Variants in CDC37L1 observed in about 807,000 individuals in gnomAD.
CDC37L1 encodes the protein cell division cycle 37 like 1, HSP90 cochaperone.
In CDC37L1, 32 loss-of-function variants were observed where a neutral mutation model predicts 45.9. The observed-to-expected ratio is 0.70, with a 90% CI of 0.53 to 0.94. CDC37L1 has a LOEUF of 0.94. Ranked by LOEUF, CDC37L1 falls within the 40% of genes least tolerant of loss-of-function variation. The probability of loss-of-function intolerance (pLI) is 0.00; values close to 1 mark genes in which losing one functional copy is unlikely to be tolerated. For missense variants in CDC37L1, 434 were observed against 405.7 expected, an observed-to-expected ratio of 1.07 and a Z score of -0.60; for synonymous variants, 150 against 133.0, an observed-to-expected ratio of 1.13 and a Z score of -0.88.
rs778406400 is a variant in CDC37L1, at chr9:4,679,850, T to A, written c.83T>A (p.Val28Glu). 1.2e-6 allele frequency: 2 copies of A among 1,613,958 alleles called. No homozygotes were observed. Among genetic ancestry groups the A allele is most frequent in the Non-Finnish European group, 1.7e-6 (2 of 1,179,970 alleles). ...GEAEEESDFD[V>E]FPSSPRCPQL... is the part of the protein sequence containing the mutation. ...GCTGAGGAAGAGAGTGACTTCGACGTGTTCCCCAGTTCTCCCCGCTGCCCG... is the reference window on the plus strand; with the variant it reads ...GCTGAGGAAGAGAGTGACTTCGACGAGTTCCCCAGTTCTCCCCGCTGCCCG... The change falls in exon 1 of 7, where the codon GTG becomes GAG. Residue 28 changes from valine to glutamate, a missense_variant. Val to Glu is a moderately radical substitution (Grantham distance 121, BLOSUM62 -2). Coordinates refer to ENST00000381854, the MANE Select transcript of CDC37L1 (RefSeq NM_017913.4).
Position 4,679,737 on chromosome 9 carries a change from A to C in CDC37L1, c.-31A>C. On this transcript the variant is annotated 5_prime_UTR_variant, in exon 1 of 7. Transcript: ENST00000381854. ...GTTGGCAGTGGCAGTTGTAGGGCCA[A>C]GGGCGGTTGTAGGACCCGGAGCAGC... 1 of 1,598,588 alleles carries C rather than the reference A, an allele frequency of 6.3e-7. No homozygotes were observed. Among genetic ancestry groups the C allele is most frequent in the Non-Finnish European group, 8.5e-7 (1 of 1,170,974 alleles).
intron 2 of CDC37L1, among the ~76,000 whole-genome samples, chr9:4,686,008 C>G (rs191675069): frequency 3.3e-5 from 5 of 152,116 alleles, no homozygotes; most frequent in African/African-American, 7.2e-5. Flanking sequence ...ATAAAAAATA[C>G]GAAAATTAGC....
At chr9:4,682,180 T>G (rs1841200937) in intron 1 of CDC37L1, among the ~76,000 whole-genome samples, 1 of 140,640 alleles carries the variant, frequency 7.1e-6, no homozygotes, top group South Asian at 2.2e-4. Context: ...TTTTTTTTTT[T>G]GAGGCAGTGT....
At chr9:4,702,063 C>G (rs1390783209) in intron 6 of CDC37L1, 35 bp downstream of exon 6, 33 of 1,133,974 alleles carry the variant, frequency 2.9e-5, no homozygotes, top group African/African-American at 3.2e-5. Context: ...TTTTATAAGC[C>G]TATTAATTCA....
chr9:4,702,888 CAAAAAAAAAAAAAA>C (rs397829063), intron 6 of CDC37L1, among the ~76,000 whole-genome samples: 1 of 42,962 alleles, frequency 2.3e-5, no homozygotes, highest in African/African-American at 7.7e-5. Flanking sequence ...GACTCCGTCT[CAAAAAAAAAAAAAA>C]AAAAAAAAAA....
Position 4,682,329 on chromosome 9 carries a change from A to ATTTTTTTTTTTTTTTTTT in CDC37L1, c.132+2445_132+2446insTTTTTTTTTTTTTTTTTT, listed in dbSNP as rs1313029477. 9.7e-5 allele frequency among the ~76,000 whole-genome samples: 9 copies of ATTTTTTTTTTTTTTTTTT among 92,834 alleles called. 1 individual carries two copies. Among genetic ancestry groups the ATTTTTTTTTTTTTTTTTT allele is most frequent in the African/African-American group, 3.6e-4 (6 of 16,552 alleles). 60.9% of individuals were successfully genotyped at this position (92,834 alleles called of 152,430 possible). The stretch of plus-strand genomic sequence containing the variant: ...AGGTGCCCACCACTGTGCCCAGCTA[A>ATTTTTTTTTTTTTTTTTT]TTTTTTTTTTTTTTTGAGATGGAGT... On this transcript the variant is annotated intron_variant, in intron 1 of 6. Coordinates refer to ENST00000381854, the MANE Select transcript of CDC37L1 (RefSeq NM_017913.4).
intron 6 of CDC37L1, among the ~76,000 whole-genome samples, chr9:4,704,409 G>A (rs533296123): frequency 6.6e-6 from 1 of 152,324 alleles, no homozygotes; most frequent in African/African-American, 2.4e-5. Flanking sequence ...GACAGTCAAT[G>A]AAATCTAAGT....
chr9:4,704,132 A>T (rs10815058), intron 6 of CDC37L1, among the ~76,000 whole-genome samples: 15,220 of 152,216 alleles, frequency 0.1, 1,324 homozygotes, highest in East Asian at 0.46. Flanking sequence ...TAATAATAAC[A>T]TCCCATTTTT....
intron 5 of CDC37L1, among the ~76,000 whole-genome samples, chr9:4,700,779 A>T (rs948941971): frequency 2.0e-5 from 3 of 152,190 alleles, no homozygotes; most frequent in Non-Finnish European, 4.4e-5. Context: ...TTGCTATCTT[A>T]TGGGTGAAGA....
Position 4,701,909 on chromosome 9 carries a change from G to C in CDC37L1, c.793G>C (p.Ala265Pro). ...TGAAGCATTCAAAAATGAACTTGAA[G>C]CTTTCAAGTCAAGAGTAAGACTTTA... The part of the protein sequence containing the change: ...YFEAFKNELE[A>P]FKSRVRLYSQ... Residue 265 changes from alanine to proline, a missense_variant, in exon 6 of 7, where the codon GCT becomes CCT. Ala to Pro is a conservative substitution (Grantham distance 27, BLOSUM62 -1). Transcript: ENST00000381854. The C allele has an allele frequency of 6.2e-7, 1 of 1,604,212 alleles. No homozygotes were observed. Among genetic ancestry groups the C allele is most frequent in the Non-Finnish European group, 8.5e-7 (1 of 1,176,034 alleles).
intron 3 of CDC37L1, among the ~76,000 whole-genome samples, chr9:4,691,203 A>G (rs1841296755): frequency 6.6e-6 from 1 of 152,198 alleles, no homozygotes; most frequent in Non-Finnish European, 1.5e-5. Flanking sequence ...TCAGGGGTAC[A>G]TGTGCAGGAT....
At chr9:4,684,828 C>A in intron 1 of CDC37L1, 49 bp from the exon 2 acceptor site, 2 of 1,394,626 alleles carry the variant, frequency 1.4e-6, no homozygotes, top group Non-Finnish European at 2.0e-6. Context: ...CTGTGCTGCA[C>A]AAACATCCAT....
At chr9:4,683,947 C>T (rs1211397887) in intron 1 of CDC37L1, among the ~76,000 whole-genome samples, 4 of 152,156 alleles carry the variant, frequency 2.6e-5, no homozygotes, top group Admixed American at 6.5e-5. Flanking sequence ...ACTACTGCTT[C>T]GGAGTAGTAC....
chr9:4,692,107 A>T (rs1271595683), intron 3 of CDC37L1, among the ~76,000 whole-genome samples: 1 of 152,176 alleles, frequency 6.6e-6, no homozygotes, highest in Non-Finnish European at 1.5e-5. Context: ...AAATACTATG[A>T]TAGAAGTTTT....
chr9:4,696,513 A>AAAAG (rs1462045045), intron 3 of CDC37L1, among the ~76,000 whole-genome samples: 10 of 152,122 alleles, frequency 6.6e-5, no homozygotes, highest in African/African-American at 2.4e-4. Flanking sequence ...AAAAGAAAAG[A>AAAAG]AAAAAATCTA....
chr9:4,683,086 A>T (rs1563766736), intron 1 of CDC37L1, among the ~76,000 whole-genome samples: 1 of 143,508 alleles, frequency 7.0e-6, no homozygotes, highest in Non-Finnish European at 1.5e-5. Context: ...TATATTTTAT[A>T]TATATATTTT....
chr9:4,705,966 A>T lies in CDC37L1; in HGVS notation c.913-45A>T, dbSNP rs767853652. 3.3e-6 allele frequency: 3 copies of T among 899,968 alleles called. No individual in the cohort carries two copies. In the East Asian group the frequency reaches 7.3e-5, roughly 22 times the overall value. The allele number at this position is 899,968 out of a possible 1,614,324, so 55.7% of individuals were successfully genotyped here. A position where few individuals can be genotyped will look rare whatever the true frequency, so the allele number is the denominator to read the frequency against. ...ATGTACTGTCATAAAACTGGTTATA[A>T]TGCGTTCTTTTTCTCCCCCCAATCT... is the stretch of plus-strand genomic sequence containing the variant. On this transcript the variant is annotated intron_variant, in intron 6 of 6. Transcript: ENST00000381854.
In CDC37L1 at chr9:4,679,737, A is replaced by G. The variant is rs1841168131; in HGVS notation, c.-31A>G. The G allele has an allele frequency of 6.3e-7, 1 of 1,598,470 alleles. No homozygotes were observed. The highest frequency in any genetic ancestry group is 1.3e-5 in the African/African-American group (1 of 74,604). ...GTTGGCAGTGGCAGTTGTAGGGCCAAGGGCGGTTGTAGGACCCGGAGCAGC... is the reference window on the plus strand; with the variant it reads ...GTTGGCAGTGGCAGTTGTAGGGCCAGGGGCGGTTGTAGGACCCGGAGCAGC... On this transcript the variant is annotated 5_prime_UTR_variant, in exon 1 of 7. Coordinates refer to ENST00000381854, the MANE Select transcript of CDC37L1 (RefSeq NM_017913.4).
chr9:4,685,231 G>A (rs989652046), intron 2 of CDC37L1, 73 bp downstream of exon 2: 1 of 1,159,052 alleles, frequency 8.6e-7, no homozygotes, highest in Non-Finnish European at 1.3e-6. Flanking sequence ...GTGCGTATTT[G>A]GTAGCAAAGC....
Sources: gnomAD v4.1 joint callset for allele counts (sites outside exome capture counted in the v4.1 genomes callset) on GRCh38, gnomAD v4.1.1 for gene constraint, MANE v1.5 for transcripts, NCBI Gene and HGNC (gene_info 2026-07-23, HGNC 2026-07-21) for gene names.